SLC5A7: variants seen among roughly 807,000 people sequenced by gnomAD.
The protein encoded by SLC5A7 is solute carrier family 5 member 7, also known as high affinity choline transporter 1.
A neutral mutation model predicts 55.4 loss-of-function variants in SLC5A7; 19 were observed. The ratio of observed to expected loss-of-function variants is 0.34; its 90% CI spans 0.24 to 0.50. The LOEUF (loss-of-function observed/expected upper bound fraction) is 0.50, where lower values mean the gene tolerates loss of function less well. Ranked by LOEUF, SLC5A7 falls within the 20% of genes least tolerant of loss-of-function variation. The probability of loss-of-function intolerance (pLI) is 0.98; values close to 1 mark genes in which losing one functional copy is unlikely to be tolerated. For missense variants in SLC5A7, 506 were observed against 705.3 expected (o/e 0.72, Z 3.20); for synonymous variants, 265 against 263.7 (o/e 1.00, Z -0.05).
At chr2:107,990,158 C>G (rs1172810783) in intron 2 of SLC5A7, among the ~76,000 whole-genome samples, 1 of 152,084 alleles carries the variant, frequency 6.6e-6, no homozygotes, top group Non-Finnish European at 1.5e-5. Flanking sequence ...TGTGTTCTCA[C>G]TCATGGATCT....
chr2:107,987,850 T>G (rs920631422), intron 1 of SLC5A7, among the ~76,000 whole-genome samples: 1 of 152,242 alleles, frequency 6.6e-6, no homozygotes, highest in Non-Finnish European at 1.5e-5. Flanking sequence ...ACAAGGATTA[T>G]GATTCCATTT....
Position 108,010,083 on chromosome 2 carries a change from G to A in SLC5A7, c.1114-149G>A, listed in dbSNP as rs535837183. ...ACCTTGATTGTTTGCTTTGGGTGCT[G>A]TAGCTGTAGTTGGTTTTTCCCATAG... On this transcript the variant is annotated intron_variant, in intron 8 of 8. Coordinates refer to ENST00000264047, the MANE Select transcript of SLC5A7 (RefSeq NM_021815.5). 3.9e-5 allele frequency: 35 copies of A among 902,488 alleles called. No homozygotes were observed. In the Admixed American group the frequency reaches 7.0e-4, roughly 18 times the overall value. The allele number at this position is 902,488 out of a possible 1,614,324, so 55.9% of individuals were successfully genotyped here.
chr2:108,000,155 G>T (rs535764298), intron 5 of SLC5A7, among the ~76,000 whole-genome samples: 3 of 152,242 alleles, frequency 2.0e-5, no homozygotes, highest in South Asian at 2.1e-4. Flanking sequence ...GTGGGTGCGA[G>T]TGTACACGCA....
In SLC5A7 at chr2:108,003,774, T is replaced by G. The variant is rs1558868114; in HGVS notation, c.741+1734T>G. Among the ~76,000 whole-genome samples the G allele has an allele frequency of 2.0e-5, 3 of 152,234 alleles. No homozygotes were observed. The South Asian group carries it at 6.2e-4, about 32-fold the overall frequency. ...TACTCTCCCATGCCCACTTTCCATA[T>G]TACTACCTACTTTAGTCAGTTTGGG... On this transcript the variant is annotated intron_variant, in intron 6 of 8. Coordinates refer to ENST00000264047, the MANE Select transcript of SLC5A7 (RefSeq NM_021815.5).
In SLC5A7 at chr2:108,010,383, T is replaced by C; in HGVS notation, c.1265T>C (p.Leu422Pro). The C allele has an allele frequency of 6.2e-7, 1 of 1,613,968 alleles. No individual in the cohort carries two copies. Among genetic ancestry groups the C allele is most frequent in the Non-Finnish European group, 8.5e-7 (1 of 1,179,940 alleles). Residue 422 changes from leucine (L) to proline (P), a missense_variant, in exon 9 of 9, where the codon CTT (leucine) becomes CCT (proline). Physicochemically the swap from Leu to Pro is moderately conservative, Grantham distance 98 (BLOSUM62 -3). Transcript: ENST00000264047. ...LVYIVIFPQL[L>P]CVLFVKGTNT... ...TACATCGTTATCTTCCCCCAGCTGC[T>C]TTGTGTACTCTTTGTTAAGGGAACC...
intron 7 of SLC5A7, 26 bp from the exon 8 acceptor site, chr2:108,008,439 T>C (rs756357909): frequency 1.9e-6 from 3 of 1,591,152 alleles, no homozygotes; most frequent in Non-Finnish European, 2.6e-6. Flanking sequence ...TTGGTGGTTA[T>C]AATGGTTGTT....
Position 107,987,975 on chromosome 2 carries a change from G to C in SLC5A7, c.-51-130G>C, listed in dbSNP as rs190409793. ...ACTTATTGTTAACTGCCCGTTTCAC[G>C]TGTGGTTTCAGGGTTGTACTCTTTC... On this transcript the variant is annotated intron_variant, in intron 1 of 8. Coordinates refer to ENST00000264047, the MANE Select transcript of SLC5A7 (RefSeq NM_021815.5). 990 of 465,646 alleles carry C rather than the reference G, an allele frequency of 2.1e-3. 2 individuals are homozygous for C. The highest frequency in any genetic ancestry group is 2.9e-3 in the Non-Finnish European group (757 of 262,592). 28.8% of individuals were successfully genotyped at this position (465,646 alleles called of 1,614,324 possible).
chr2:107,998,065 G>GT, intron 5 of SLC5A7, 79 bp downstream of exon 5: 8 of 1,346,544 alleles, frequency 5.9e-6, no homozygotes, highest in Non-Finnish European at 6.9e-6. Flanking sequence ...TTAAAAATGA[G>GT]TAGAAATATT....
In SLC5A7 at chr2:108,010,378, G is replaced by A; in HGVS notation, c.1260G>A (p.Gln420=). 2 of 1,613,932 alleles carry A rather than the reference G, an allele frequency of 1.2e-6. No homozygotes were observed. Among genetic ancestry groups the A allele is most frequent in the African/African-American group, 1.3e-5 (1 of 75,004 alleles). Residue 420 remains glutamine (Q), a synonymous_variant, in exon 9 of 9, where the codon CAG becomes CAA. Coordinates refer to ENST00000264047, the MANE Select transcript of SLC5A7 (RefSeq NM_021815.5). ...TTGTTTACATCGTTATCTTCCCCCA[G>A]CTGCTTTGTGTACTCTTTGTTAAGG... The part of the protein sequence containing the change: ...SDLVYIVIFP[Q]LLCVLFVKGT...
rs1677925959 is a variant in SLC5A7, at chr2:108,001,960, C to T, written c.661C>T (p.His221Tyr). The change falls in exon 6 of 9, where the codon CAT (histidine) becomes TAT (tyrosine). Residue 221 changes from histidine to tyrosine, a missense_variant. Coordinates refer to ENST00000264047, the MANE Select transcript of SLC5A7 (RefSeq NM_021815.5). Reference protein sequence around the residue: ...AVADIGFTAVHAKYQKPWLGT... With the variant: ...AVADIGFTAVYAKYQKPWLGT... ...CGCAGACATCGGGTTCACTGCTGTG[C>T]ATGCCAAATACCAAAAGCCGTGGCT... 6.2e-7 allele frequency: 1 copy of T among 1,614,074 alleles called. No individual in the cohort carries two copies. Among genetic ancestry groups the T allele is most frequent in the Non-Finnish European group, 8.5e-7 (1 of 1,180,048 alleles).
intron 2 of SLC5A7, among the ~76,000 whole-genome samples, chr2:107,990,249 TAGTA>T (rs1573589583): frequency 6.6e-6 from 1 of 152,338 alleles, no homozygotes; most frequent in East Asian, 1.9e-4. Flanking sequence ...TTTTAAATCT[TAGTA>T]AGTAGCCAAG....
intron 4 of SLC5A7, among the ~76,000 whole-genome samples, chr2:107,996,139 G>T (rs561429381): frequency 1.3e-5 from 2 of 151,792 alleles, no homozygotes; most frequent in South Asian, 4.2e-4. Flanking sequence ...ATATAGCTTA[G>T]AAGCGTTATT....
rs557717267 is a variant in SLC5A7, at chr2:108,010,375, C to G, written c.1257C>G (p.Pro419=). ...ACCTTGTTTACATCGTTATCTTCCC[C>G]CAGCTGCTTTGTGTACTCTTTGTTA... ...SSDLVYIVIF[P]QLLCVLFVKG... Residue 419 remains proline (P), a synonymous_variant, in exon 9 of 9, where the codon CCC becomes CCG. Transcript: ENST00000264047. 1 of 1,613,960 alleles carries G rather than the reference C, an allele frequency of 6.2e-7. No individual in the cohort carries two copies. The highest frequency in any genetic ancestry group is 8.5e-7 in the Non-Finnish European group (1 of 1,179,942).
intron 4 of SLC5A7, among the ~76,000 whole-genome samples, chr2:107,996,697 G>A (rs552835628): frequency 5.3e-5 from 8 of 152,248 alleles, no homozygotes; most frequent in Non-Finnish European, 8.8e-5. Flanking sequence ...GCCCAAACTG[G>A]TCATACCTCA....
At chr2:107,998,431 T>A (rs1242918389) in intron 5 of SLC5A7, among the ~76,000 whole-genome samples, 2 of 152,228 alleles carry the variant, frequency 1.3e-5, no homozygotes, top group African/African-American at 4.8e-5. Context: ...CAAATATTAA[T>A]CATCACTATT....
chr2:107,999,264 C>T (rs1677794123), intron 5 of SLC5A7, among the ~76,000 whole-genome samples: 1 of 152,098 alleles, frequency 6.6e-6, no homozygotes, highest in South Asian at 2.1e-4. Flanking sequence ...CATAAACTTC[C>T]AGAAATAAAA....
chr2:108,005,693 C>G (rs1015654086), intron 6 of SLC5A7, among the ~76,000 whole-genome samples: 1 of 152,092 alleles, frequency 6.6e-6, no homozygotes, highest in Admixed American at 6.5e-5. Context: ...GGTGAGGATT[C>G]GCATCCTCAT....
chr2:107,988,176 A>G lies in SLC5A7; in HGVS notation c.21A>G (p.Gly7=), dbSNP rs903367698. 3 of 1,613,818 alleles carry G rather than the reference A, an allele frequency of 1.9e-6. No individual in the cohort carries two copies. In the African/African-American group the frequency reaches 4.0e-5, roughly 22 times the overall value. Residue 7 remains glycine, a synonymous_variant, in exon 2 of 9, where the codon GGA becomes GGG. Coordinates refer to ENST00000264047, the MANE Select transcript of SLC5A7 (RefSeq NM_021815.5). MAFHVE[G]LIAIIVFYLL... ...TAAAAATGGCTTTCCATGTGGAAGGACTGATAGCTATCATCGTGTTCTACC... is the reference window on the plus strand; with the variant it reads ...TAAAAATGGCTTTCCATGTGGAAGGGCTGATAGCTATCATCGTGTTCTACC...
At chr2:108,009,161 G>A (rs777674798) in intron 8 of SLC5A7, among the ~76,000 whole-genome samples, 2 of 151,912 alleles carry the variant, frequency 1.3e-5, no homozygotes, top group African/African-American at 2.4e-5. Flanking sequence ...TTTCTTTATT[G>A]AATCAAAGTG....
Sources: gnomAD v4.1 joint callset for allele counts (sites outside exome capture counted in the v4.1 genomes callset) on GRCh38, gnomAD v4.1.1 for gene constraint, MANE v1.5 for transcripts, NCBI Gene and HGNC (gene_info 2026-07-23, HGNC 2026-07-21) for gene names.